Variants in TNFRSF19 observed in about 807,000 individuals in gnomAD.
TNFRSF19 encodes the protein TNF receptor superfamily member 19, also known as tumor necrosis factor receptor superfamily member 19.
A neutral mutation model predicts 46.4 loss-of-function variants in TNFRSF19; 27 were observed. The observed-to-expected ratio is 0.58, with a 90% CI of 0.43 to 0.80. TNFRSF19 has a LOEUF of 0.80. Among genes scored for constraint, TNFRSF19 ranks in the 30% least tolerant of loss-of-function variants. The pLI, the probability that TNFRSF19 is intolerant of heterozygous loss-of-function variation, is 0.00. For missense variants in TNFRSF19, 511 were observed against 530.8 expected (o/e 0.96, Z 0.37); for synonymous variants, 204 against 205.0 (o/e 1.00, Z 0.04).
Position 23,591,721 on chromosome 13 carries a change from TTTCTTTC to T in TNFRSF19, c.69+1472_69+1478del, listed in dbSNP as rs1349636518. Among the ~76,000 whole-genome samples, 96 of 71,148 alleles carry T rather than the reference TTTCTTTC, an allele frequency of 1.3e-3. 1 individual carries two copies. Among genetic ancestry groups the T allele is most frequent in the African/African-American group, 2.4e-3 (43 of 18,000 alleles). The allele number at this position is 71,148 out of a possible 152,430, so 46.7% of individuals were successfully genotyped here. ...TTTATAGCCTTAAAAATTTTCTTTC[TTTCTTTC>T]TTTTTTTTTTTTTTTTGAGACGAAG... On this transcript the variant is annotated intron_variant, in intron 2 of 9. Coordinates refer to ENST00000248484, the MANE Select transcript of TNFRSF19 (RefSeq NM_148957.4).
intron 1 of TNFRSF19, among the ~76,000 whole-genome samples, chr13:23,579,159 C>G (rs1207932064): frequency 2.0e-5 from 3 of 152,262 alleles, no homozygotes; most frequent in African/African-American, 7.2e-5. Flanking sequence ...CAGTCAGCCT[C>G]ACACTCATCC....
At chr13:23,581,412 C>T (rs1368565600) in intron 1 of TNFRSF19, among the ~76,000 whole-genome samples, 1 of 152,174 alleles carries the variant, frequency 6.6e-6, no homozygotes, top group Non-Finnish European at 1.5e-5. Flanking sequence ...TCCCAAAGTG[C>T]TGGGATTACA....
At chr13:23,669,668 G>C (rs1178040871) in intron 9 of TNFRSF19, 36 of 985,162 alleles carry the variant, frequency 3.7e-5, no homozygotes, top group Non-Finnish European at 4.3e-5. Flanking sequence ...AGGTGGAATG[G>C]TTTAAGATCA....
chr13:23,638,520 G>A (rs904686134), intron 5 of TNFRSF19, among the ~76,000 whole-genome samples: 2 of 152,170 alleles, frequency 1.3e-5, no homozygotes, highest in Non-Finnish European at 2.9e-5. Context: ...CTCAAAGACA[G>A]GCGTGATCAT....
Position 23,668,945 on chromosome 13 carries a change from C to G in TNFRSF19, c.1093C>G (p.His365Asp). 1 of 1,614,250 alleles carries G rather than the reference C, an allele frequency of 6.2e-7. No individual in the cohort carries two copies. Among genetic ancestry groups the G allele is most frequent in the Non-Finnish European group, 8.5e-7 (1 of 1,180,054 alleles). The change falls in exon 9 of 10, where the codon CAT becomes GAT. Residue 365 changes from histidine (H) to aspartate (D), a missense_variant. Physicochemically the swap from His to Asp is moderately conservative, Grantham distance 81 (BLOSUM62 -1). Transcript: ENST00000248484. The stretch of plus-strand genomic sequence containing the variant: ...TGGTGGGGCTGTTCCAGTCCAGTCT[C>G]ATTCTGAAAACTTTACAGCAGCTAC... ...LVGGAVPVQS[H>D]SENFTAATDL...
At chr13:23,584,450 C>A (rs189560940) in intron 1 of TNFRSF19, among the ~76,000 whole-genome samples, 1 of 151,586 alleles carries the variant, frequency 6.6e-6, no homozygotes, top group East Asian at 1.9e-4. Flanking sequence ...ATATATATAC[C>A]ACAGTTTTTT....
intron 4 of TNFRSF19, among the ~76,000 whole-genome samples, chr13:23,616,416 A>T (rs946794471): frequency 3.9e-5 from 6 of 152,206 alleles, no homozygotes; most frequent in African/African-American, 1.4e-4. Context: ...CACCCTCATT[A>T]GCATCAGAGG....
chr13:23,617,295 C>G (rs1881368820), intron 4 of TNFRSF19, among the ~76,000 whole-genome samples: 1 of 152,072 alleles, frequency 6.6e-6, no homozygotes, highest in African/African-American at 2.4e-5. Flanking sequence ...ACGCAGAAGC[C>G]TTAAATAGAC....
intron 5 of TNFRSF19, among the ~76,000 whole-genome samples, chr13:23,643,667 G>T (rs1883153576): frequency 6.6e-6 from 1 of 152,192 alleles, no homozygotes; most frequent in Admixed American, 6.5e-5. Context: ...ATGATGGGCA[G>T]GCAGCCAGAG....
intron 9 of TNFRSF19, among the ~76,000 whole-genome samples, chr13:23,671,001 T>A (rs1008386054): frequency 6.6e-6 from 1 of 152,238 alleles, no homozygotes; most frequent in African/African-American, 2.4e-5. Flanking sequence ...GACTAAGGAA[T>A]GAAACGTCTT....
intron 3 of TNFRSF19, among the ~76,000 whole-genome samples, chr13:23,614,769 A>ATATATATATATATATATATAT (rs59907466): frequency 2.9e-4 from 42 of 147,150 alleles, no homozygotes; most frequent in South Asian, 4.3e-4. Context: ...ATATATATAT[A>ATATATATATATATATATATAT]GTACCTGGCA....
intron 1 of TNFRSF19, among the ~76,000 whole-genome samples, chr13:23,578,306 C>T (rs1055200992): frequency 2.0e-5 from 3 of 152,044 alleles, no homozygotes; most frequent in African/African-American, 7.2e-5. Context: ...ACCAATAAGT[C>T]GTTATTGGGA....
intron 2 of TNFRSF19, among the ~76,000 whole-genome samples, chr13:23,592,458 A>G (rs1481649179): frequency 6.6e-6 from 1 of 152,234 alleles, no homozygotes; most frequent in Non-Finnish European, 1.5e-5. Flanking sequence ...TGTTGTTTTC[A>G]GAAAAAATAA....
At chr13:23,639,903 G>A (rs1420570597) in intron 5 of TNFRSF19, among the ~76,000 whole-genome samples, 2 of 152,226 alleles carry the variant, frequency 1.3e-5, no homozygotes, top group Admixed American at 6.5e-5. Flanking sequence ...ACTTATTGTT[G>A]CAGTCAGAAT....
At chr13:23,591,728 CT>C (rs1238199379) in intron 2 of TNFRSF19, among the ~76,000 whole-genome samples, 1,254 of 103,596 alleles carry the variant, frequency 0.012, 27 homozygotes, top group East Asian at 0.088. Flanking sequence ...TTCTTTCTTT[CT>C]TTTTTTTTTT....
intron 1 of TNFRSF19, among the ~76,000 whole-genome samples, chr13:23,575,822 G>C (rs543884987): frequency 6.6e-6 from 1 of 152,108 alleles, no homozygotes; most frequent in Non-Finnish European, 1.5e-5. Flanking sequence ...TGCTACCAGC[G>C]AGCTAATTTA....
chr13:23,669,026 C>G lies in TNFRSF19; in HGVS notation c.1174C>G (p.Leu392Val), dbSNP rs199672653. Residue 392 changes from leucine (L) to valine (V), a missense_variant, in exon 9 of 10, where the codon CTA becomes GTA. This residue lies in a region of TNFRSF19 where 376 missense variants were observed against 372.7 expected (regional missense o/e 1.01). Transcript: ENST00000248484. ...AGAATCAGCATCAACTCAGGATGCA[C>G]TAACTATGAGAAGCCAGCTAGATCA... ...LVESASTQDA[L>V]TMRSQLDQES... 6.2e-7 allele frequency: 1 copy of G among 1,614,200 alleles called. No individual in the cohort carries two copies. Among genetic ancestry groups the G allele is most frequent in the East Asian group, 2.2e-5 (1 of 44,888 alleles).
chr13:23,621,255 A>G (rs1881635242), intron 4 of TNFRSF19, among the ~76,000 whole-genome samples: 1 of 152,172 alleles, frequency 6.6e-6, no homozygotes, highest in East Asian at 1.9e-4. Flanking sequence ...GGTGTTCCCT[A>G]GTAACCATGA....
chr13:23,592,983 A>G (rs1165966963), intron 2 of TNFRSF19, among the ~76,000 whole-genome samples: 1 of 106,086 alleles, frequency 9.4e-6, no homozygotes, highest in African/African-American at 4.2e-5. Flanking sequence ...GAAAGTCATA[A>G]CTGTTTTTTT....
Sources: gnomAD v4.1 joint callset for allele counts (sites outside exome capture counted in the v4.1 genomes callset) on GRCh38, gnomAD v4.1.1 for gene constraint, gnomAD v4.1.1 regional missense constraint, MANE v1.5 for transcripts, NCBI Gene and HGNC (gene_info 2026-07-23, HGNC 2026-07-21) for gene names.